Variants in SLC26A8 observed in about 807,000 individuals in gnomAD.
SLC26A8 encodes testis anion transporter 1.
SLC26A8 carries 70 observed loss-of-function variants against 105.0 expected under a neutral mutation model. The ratio of observed to expected loss-of-function variants is 0.67; its 90% CI spans 0.55 to 0.81. The LOEUF (loss-of-function observed/expected upper bound fraction) is 0.81. SLC26A8 is among the 40% of genes least tolerant of loss of function. The pLI is 0.00. For synonymous variants in SLC26A8, 415 were observed against 438.3 expected (o/e 0.95, Z 0.66); for missense variants, 998 against 1,181.8 (o/e 0.84, Z 2.28).
rs1256451843 is a variant in SLC26A8 at position 35,960,876 on chromosome 6, G to A, written c.1605C>T (p.Thr535=). ...KILLLGQIPN[T]NIYRSINDYR... ...AATCATTGATGCTTCTATAAATGTTGGTGTTAGGGATTTGACCCAGGAGAA... is the reference window on the plus strand; with the variant it reads ...AATCATTGATGCTTCTATAAATGTTAGTGTTAGGGATTTGACCCAGGAGAA... The change falls in exon 14 of 20, where the codon ACC becomes ACT. Residue 535 remains threonine, a synonymous_variant. Transcript: ENST00000490799. The A allele has an allele frequency of 6.2e-7, 1 of 1,614,096 alleles. No individual in the cohort carries two copies. Among genetic ancestry groups the A allele is most frequent in the Non-Finnish European group, 8.5e-7 (1 of 1,180,012 alleles).
intron 10 of SLC26A8, among the ~76,000 whole-genome samples, chr6:35,974,530 T>C (rs1772921419): frequency 6.6e-6 from 1 of 152,182 alleles, no homozygotes; most frequent in Non-Finnish European, 1.5e-5. Flanking sequence ...AGAACAATTA[T>C]ACATTCTCTA....
intron 7 of SLC26A8, among the ~76,000 whole-genome samples, chr6:35,988,841 G>GTTTT (rs56822307): frequency 2.3e-5 from 3 of 128,384 alleles, no homozygotes; most frequent in African/African-American, 8.6e-5. Context: ...GTTCTATACG[G>GTTTT]TTTTTTTTTT....
intron 19 of SLC26A8, among the ~76,000 whole-genome samples, chr6:35,949,477 A>C (rs1000553894): frequency 2.0e-5 from 3 of 152,146 alleles, no homozygotes; most frequent in African/African-American, 7.2e-5. Context: ...TGTATACTGA[A>C]ATACATTCTA....
In SLC26A8 at chr6:35,982,211, G is replaced by C. The variant is rs756752303; in HGVS notation, c.943-8C>G. On this transcript the variant is annotated splice_polypyrimidine_tract_variant and splice_region_variant and intron_variant, in intron 7 of 19. Transcript: ENST00000490799. Reference sequence around the variant, plus strand: ...CACAGTGAAGCCAATAATCTGTAGGGGGTAAAAAAAGAAGGGATGGGGGCA... The same window carrying C: ...CACAGTGAAGCCAATAATCTGTAGGCGGTAAAAAAAGAAGGGATGGGGGCA... 1 of 1,613,364 alleles carries C rather than the reference G, an allele frequency of 6.2e-7. No homozygotes were observed. Among genetic ancestry groups the C allele is most frequent in the East Asian group, 2.2e-5 (1 of 44,872 alleles).
chr6:35,944,103 G>C lies in SLC26A8; in HGVS notation c.2710C>G (p.Pro904Ala). The part of the protein sequence containing the change: ...TKTQTEMEPQ[P>A]ETEPEMEPNP... Reference sequence around the variant, plus strand: ...GGCTCCATCTCAGGCTCAGTCTCAGGCTGGGGCTCCATCTCGGTCTGGGTC... The same window carrying C: ...GGCTCCATCTCAGGCTCAGTCTCAGCCTGGGGCTCCATCTCGGTCTGGGTC... Residue 904 changes from proline to alanine, a missense_variant, in exon 20 of 20, where the codon CCT becomes GCT. Pro to Ala is a conservative substitution (Grantham distance 27). Transcript: ENST00000490799. 6.2e-7 allele frequency: 1 copy of C among 1,614,038 alleles called. No homozygotes were observed. Among genetic ancestry groups the C allele is most frequent in the Non-Finnish European group, 8.5e-7 (1 of 1,179,986 alleles).
At position 35,946,164 on chromosome 6, in the gene SLC26A8, T is replaced by G. The variant is rs569061097; in HGVS notation, c.2473-1824A>C. On this transcript the variant is annotated intron_variant, in intron 19 of 19. Transcript: ENST00000490799. ...TTTGGTTATAACCCTTCCCCTGATC[T>G]GCAGGTTCATAAATTCACTTCCATT... is the stretch of plus-strand genomic sequence containing the variant. Among the ~76,000 whole-genome samples, 90 of 152,336 alleles carry G rather than the reference T, an allele frequency of 5.9e-4. 1 individual carries two copies. In the South Asian group the frequency reaches 6.2e-3, roughly 11 times the overall value.
intron 10 of SLC26A8, among the ~76,000 whole-genome samples, chr6:35,971,911 C>T (rs10947580): frequency 0.17 from 25,608 of 152,130 alleles, 2,312 homozygotes; most frequent in Middle Eastern, 0.23. Flanking sequence ...CACAGTGGTA[C>T]GAATAGGATG....
Position 35,997,869 on chromosome 6 carries a change from G to C in SLC26A8, c.496C>G (p.Pro166Ala), listed in dbSNP as rs201627972. 36 of 1,613,970 alleles carry C rather than the reference G, an allele frequency of 2.2e-5. No individual in the cohort carries two copies. The highest frequency in any genetic ancestry group is 3.0e-5 in the Non-Finnish European group (35 of 1,180,028). The stretch of plus-strand genomic sequence containing the variant: ...ATGACCAGTTGACCGTTGTTGAATG[G>C]GCTCACTTTCAGAACGTTGATCAGC... The part of the protein sequence containing the change: ...ALLINVLKVS[P>A]FNNGQLVMGS... The change falls in exon 5 of 20, where the codon CCA becomes GCA. Residue 166 changes from proline (P) to alanine (A), a missense_variant. Transcript: ENST00000490799.
At chr6:36,021,637 C>T (rs947378677) in intron 1 of SLC26A8, among the ~76,000 whole-genome samples, 1 of 152,000 alleles carries the variant, frequency 6.6e-6, no homozygotes, top group African/African-American at 2.4e-5. Context: ...TTTTTGCCAT[C>T]GGTCAATGTG....
Position 35,985,849 on chromosome 6 carries a change from A to G in SLC26A8, c.943-3646T>C, listed in dbSNP as rs557286995. ...TGCACCCTACAAACTCCATATACACATTGTTTCCCGAGCTCTAGAGCACCA... is the reference window on the plus strand; with the variant it reads ...TGCACCCTACAAACTCCATATACACGTTGTTTCCCGAGCTCTAGAGCACCA... On this transcript the variant is annotated intron_variant, in intron 7 of 19. Transcript: ENST00000490799. Among the ~76,000 whole-genome samples, 4 of 151,654 alleles carry G rather than the reference A, an allele frequency of 2.6e-5. No homozygotes were observed. In the South Asian group the frequency reaches 8.3e-4, roughly 32 times the overall value.
At chr6:35,983,964 C>T (rs1467900628) in intron 7 of SLC26A8, among the ~76,000 whole-genome samples, 1 of 152,108 alleles carries the variant, frequency 6.6e-6, no homozygotes, top group African/African-American at 2.4e-5. Context: ...AGACCCTAGA[C>T]CGTGGGCGCC....
At chr6:36,005,515 A>G (rs1030487449) in intron 3 of SLC26A8, among the ~76,000 whole-genome samples, 3 of 152,110 alleles carry the variant, frequency 2.0e-5, no homozygotes. Context: ...ACACTCCTCA[A>G]TTTCGGTTTG....
chr6:35,955,344 C>T lies in SLC26A8; in HGVS notation c.2040G>A (p.Val680=). 1 of 1,614,202 alleles carries T rather than the reference C, an allele frequency of 6.2e-7. No individual in the cohort carries two copies. The change falls in exon 17 of 20, where the codon GTG becomes GTA. Residue 680 remains valine, a synonymous_variant. Coordinates refer to ENST00000490799, the MANE Select transcript of SLC26A8 (RefSeq NM_052961.4). ...AGTTATTAGGAAGCCAAACTTCCTC[C>T]ACCTCCTCATACTGTTGCCCTTGAT... ...QKNQGQQYEE[V]EEVWLPNNSS... is the part of the protein sequence containing the mutation.
intron 3 of SLC26A8, among the ~76,000 whole-genome samples, chr6:36,009,258 G>A (rs1761778132): frequency 6.6e-6 from 1 of 152,156 alleles, no homozygotes; most frequent in African/African-American, 2.4e-5. Context: ...GGCTGAGGCA[G>A]GAGAATTGCT....
At chr6:35,951,883 C>T (rs182045726) in intron 17 of SLC26A8, among the ~76,000 whole-genome samples, 45 of 152,286 alleles carry the variant, frequency 3.0e-4, no homozygotes, top group Non-Finnish European at 6.3e-4. Flanking sequence ...GCCAATTAGC[C>T]GAGTTTTAAA....
At chr6:36,023,167 A>G (rs974805955) in intron 1 of SLC26A8, among the ~76,000 whole-genome samples, 5 of 149,256 alleles carry the variant, frequency 3.3e-5, no homozygotes, top group African/African-American at 4.9e-5. Flanking sequence ...ACCCTTATCC[A>G]TCCATCCATC....
At position 35,955,232 on chromosome 6, in the gene SLC26A8, G is replaced by T. The variant is rs1772012457; in HGVS notation, c.2152C>A (p.Leu718Met). 3 of 1,614,060 alleles carry T rather than the reference G, an allele frequency of 1.9e-6. No homozygotes were observed. Among genetic ancestry groups the T allele is most frequent in the Non-Finnish European group, 2.5e-6 (3 of 1,180,048 alleles). Residue 718 changes from leucine to methionine, a missense_variant, in exon 17 of 20, where the codon CTG becomes ATG. By Grantham distance (15) the Leu-to-Met change is conservative (BLOSUM62 2). Coordinates refer to ENST00000490799, the MANE Select transcript of SLC26A8 (RefSeq NM_052961.4). The stretch of plus-strand genomic sequence containing the variant: ...AGGATGATGGTGTGGACACTGGGCA[G>T]TAGAGACGCATCTGAGTAAGGGATG... ...SLIPYSDASL[L>M]PSVHTIILDF...
At chr6:35,946,863 T>G (rs545421325) in intron 19 of SLC26A8, among the ~76,000 whole-genome samples, 4 of 151,384 alleles carry the variant, frequency 2.6e-5, no homozygotes, top group East Asian at 2.0e-4. Context: ...GATTTTTAGT[T>G]TTTTTTTTCA....
At chr6:35,968,138 A>G (rs186026461) in intron 11 of SLC26A8, among the ~76,000 whole-genome samples, 75 of 151,264 alleles carry the variant, frequency 5.0e-4, no homozygotes, top group Non-Finnish European at 7.7e-4. Context: ...CTCTTGGCCT[A>G]TAACTAACGC....
Sources: allele counts gnomAD v4.1 joint callset (sites outside exome capture counted in the v4.1 genomes callset), GRCh38; gene constraint gnomAD v4.1.1; transcripts MANE v1.5; gene names NCBI Gene and HGNC (gene_info 2026-07-23, HGNC 2026-07-21).